The following CDH23 variants were observed in gnomAD, a reference collection of about 807,000 sequenced individuals.
CDH23 encodes the protein cadherin-23.
A neutral mutation model predicts 317.1 loss-of-function variants in CDH23; 189 were observed. That is an observed-to-expected ratio of 0.60 (90% CI 0.53 to 0.67). The LOEUF is 0.67. Ranked by LOEUF, CDH23 falls within the 30% of genes least tolerant of loss-of-function variation. CDH23 has a pLI of 0.00. For missense variants in CDH23, 4,401 were observed against 4,592.4 expected (o/e 0.96, Z 1.20); for synonymous variants, 1,839 against 1,876.8 (o/e 0.98, Z 0.52).
intron 60 of CDH23, among the ~76,000 whole-genome samples, chr10:71,808,758 CCA>C (rs900237758): frequency 6.6e-6 from 1 of 152,132 alleles, no homozygotes; most frequent in African/African-American, 2.4e-5. Flanking sequence ...TCTTTCTGTT[CCA>C]CAGTCACCTG....
chr10:71,731,894 A>G, intron 31 of CDH23, 93 bp from the exon 32 acceptor site: 2 of 1,428,418 alleles, frequency 1.4e-6, no homozygotes, highest in Non-Finnish European at 1.9e-6. Flanking sequence ...TGGGTGGGCC[A>G]CCCAGGGGGT....
intron 38 of CDH23, among the ~76,000 whole-genome samples, chr10:71,744,602 C>T (rs959654343): frequency 1.3e-5 from 2 of 152,342 alleles, no homozygotes; most frequent in Non-Finnish European, 2.9e-5. Flanking sequence ...AGCATTCCCA[C>T]CTCACATGTC....
intron 14 of CDH23, among the ~76,000 whole-genome samples, chr10:71,657,900 G>T (rs55850391): frequency 5.3e-5 from 8 of 150,386 alleles, no homozygotes; most frequent in Non-Finnish European, 8.9e-5. Context: ...GAAGAGGGAG[G>T]CTAAATAGAG....
chr10:71,453,366 C>T (rs1850540264), intron 3 of CDH23, among the ~76,000 whole-genome samples: 1 of 152,248 alleles, frequency 6.6e-6, no homozygotes, highest in South Asian at 2.1e-4. Flanking sequence ...TCGGCAGTCT[C>T]TGCAGACGGA....
At chr10:71,506,024 A>G (rs1853613902) in intron 3 of CDH23, among the ~76,000 whole-genome samples, 1 of 152,274 alleles carries the variant, frequency 6.6e-6, no homozygotes, top group Admixed American at 6.5e-5. Flanking sequence ...AATGTGTTAC[A>G]TTCACACAAG....
intron 35 of CDH23, among the ~76,000 whole-genome samples, chr10:71,738,910 G>A (rs918085533): frequency 6.6e-6 from 1 of 152,246 alleles, no homozygotes; most frequent in African/African-American, 2.4e-5. Context: ...GTTGTTTTCC[G>A]GGTAACTCCT....
intron 28 of CDH23, chr10:71,715,812 G>A: frequency 1.1e-6 from 1 of 938,790 alleles, no homozygotes; most frequent in Non-Finnish European, 1.5e-6. Flanking sequence ...AGCTTCGGGG[G>A]GTGAGTGTGT....
chr10:71,812,365 C>T, intron 66 of CDH23, 115 bp from the exon 67 acceptor site: 1 of 1,601,156 alleles, frequency 6.2e-7, no homozygotes, highest in Non-Finnish European at 8.5e-7. Flanking sequence ...CACCCCAAGT[C>T]AGTGAAAGGC....
Position 71,809,850 on chromosome 10 carries a change from A to T in CDH23, c.8753A>T (p.Asp2918Val). 1 of 1,612,612 alleles carries T rather than the reference A, an allele frequency of 6.2e-7. No individual in the cohort carries two copies. Among genetic ancestry groups the T allele is most frequent in the Non-Finnish European group, 8.5e-7 (1 of 1,179,682 alleles). The change falls in exon 61 of 70, where the codon GAC (aspartate) becomes GTC (valine). Residue 2918 changes from aspartate (D) to valine (V), a missense_variant. Coordinates refer to ENST00000224721, the MANE Select transcript of CDH23 (RefSeq NM_022124.6). ...GSMDGILRTFDLFMAYSPGYF... is the reference protein window; with the variant it reads ...GSMDGILRTFVLFMAYSPGYF... Reference sequence around the variant, plus strand: ...ATGGACGGCATTCTGCGCACCTTCGACCTCTTCATGGCCTACAGCCCCGGC... The same window carrying T: ...ATGGACGGCATTCTGCGCACCTTCGTCCTCTTCATGGCCTACAGCCCCGGC...
intron 31 of CDH23, among the ~76,000 whole-genome samples, chr10:71,730,978 C>T: frequency 6.6e-6 from 1 of 152,232 alleles, no homozygotes; most frequent in Non-Finnish European, 1.5e-5. Flanking sequence ...TCCTCCAGCC[C>T]CTCCACGCCT....
intron 3 of CDH23, among the ~76,000 whole-genome samples, chr10:71,478,717 C>T (rs1851917059): frequency 6.6e-6 from 1 of 152,182 alleles, no homozygotes; most frequent in African/African-American, 2.4e-5. Context: ...GTGCTGCTCT[C>T]CTTGGCTAAG....
In CDH23 at chr10:71,814,949, C is replaced by A. The variant is rs1474290620; in HGVS notation, c.9739-3C>A. The A allele has an allele frequency of 1.2e-6, 2 of 1,604,238 alleles. No homozygotes were observed. The highest frequency in any genetic ancestry group is 2.7e-5 in the African/African-American group (2 of 74,766). On this transcript the variant is annotated splice_region_variant and splice_polypyrimidine_tract_variant and intron_variant, in intron 69 of 69. Transcript: ENST00000224721. ...AGCATGTGGGGGTCCCGGCCTCTTG[C>A]AGCTGATACAGACTGAGCTGGACGA...
chr10:71,455,813 G>A (rs1056715777), intron 3 of CDH23, among the ~76,000 whole-genome samples: 4 of 152,170 alleles, frequency 2.6e-5, no homozygotes, highest in African/African-American at 9.7e-5. Context: ...AACCCCTGGG[G>A]CCTCCTGTCG....
At chr10:71,598,104 C>T (rs1859979197) in intron 9 of CDH23, among the ~76,000 whole-genome samples, 1 of 152,242 alleles carries the variant, frequency 6.6e-6, no homozygotes, top group Non-Finnish European at 1.5e-5. Flanking sequence ...TCCACCCGGC[C>T]TTTCGTAATT....
intron 44 of CDH23, among the ~76,000 whole-genome samples, chr10:71,787,232 C>A (rs553948624): frequency 6.6e-6 from 1 of 152,118 alleles, no homozygotes; most frequent in African/African-American, 2.4e-5. Flanking sequence ...AAAACTGAGA[C>A]CCAGACAGGG....
Position 71,799,146 on chromosome 10 carries a change from G to A in CDH23, c.7090G>A (p.Glu2364Lys). ...VIANRTVDYE[E>K]VHWLNFTVRA... is the part of the protein sequence containing the mutation. Reference sequence around the variant, plus strand: ...TGCCAACCGGACAGTGGACTACGAGGAGGTGCACTGGCTCAACTTTACCGT... The same window carrying A: ...TGCCAACCGGACAGTGGACTACGAGAAGGTGCACTGGCTCAACTTTACCGT... The change falls in exon 51 of 70, where the codon GAG becomes AAG. Residue 2364 changes from glutamate (E) to lysine (K), a missense_variant. Around this residue, in one of 3 missense-constraint regions of CDH23, gnomAD observed 189 missense variants for 250.9 expected, o/e 0.75. Transcript: ENST00000224721. The A allele has an allele frequency of 1.2e-6, 2 of 1,614,048 alleles. No individual in the cohort carries two copies. Among genetic ancestry groups the A allele is most frequent in the Non-Finnish European group, 1.7e-6 (2 of 1,179,890 alleles).
At chr10:71,477,485 A>C (rs1564605188) in intron 3 of CDH23, among the ~76,000 whole-genome samples, 1 of 152,000 alleles carries the variant, frequency 6.6e-6, no homozygotes, top group Non-Finnish European at 1.5e-5. Context: ...TCCTCTTTGA[A>C]TCTTCCTCAG....
intron 48 of CDH23, chr10:71,796,180 G>C: frequency 2.6e-6 from 2 of 776,920 alleles, no homozygotes; most frequent in Non-Finnish European, 3.1e-6. Flanking sequence ...GTACCTGAGA[G>C]GGAGAGGAGG....
At position 71,712,806 on chromosome 10, in the gene CDH23, T is replaced by A; in HGVS notation, c.3362T>A (p.Ile1121Asn). 6.2e-7 allele frequency: 1 copy of A among 1,612,030 alleles called. No homozygotes were observed. The highest frequency in any genetic ancestry group is 8.5e-7 in the Non-Finnish European group (1 of 1,179,346). The change falls in exon 28 of 70, where the codon ATC (isoleucine) becomes AAC (asparagine). Residue 1121 changes from isoleucine to asparagine, a missense_variant. Ile to Asn is a moderately radical substitution (Grantham distance 149). Coordinates refer to ENST00000224721, the MANE Select transcript of CDH23 (RefSeq NM_022124.6). ...GAGGACATCCCTGAAGGCCACAGCA[T>A]CTTGCAGGCAGGTGGCCCGTGGCCT... ...VPEDIPEGHSILQLKATDADE... is the reference protein window; with the variant it reads ...VPEDIPEGHSNLQLKATDADE...
Sources: allele counts gnomAD v4.1 joint callset (sites outside exome capture counted in the v4.1 genomes callset), GRCh38; gene constraint gnomAD v4.1.1; regional missense constraint gnomAD v4.1.1; transcripts MANE v1.5; gene names NCBI Gene and HGNC (gene_info 2026-07-23, HGNC 2026-07-21).